The following LINGO2 variants were observed in gnomAD, a reference collection of about 807,000 sequenced individuals.
LINGO2 encodes leucine rich repeat and Ig domain containing 2.
A neutral mutation model predicts 30.6 loss-of-function variants in LINGO2; 14 were observed. The ratio of observed to expected loss-of-function variants is 0.46; its 90% CI spans 0.30 to 0.72. LINGO2 has a LOEUF of 0.72. Ranked by LOEUF, LINGO2 falls within the 30% of genes least tolerant of loss-of-function variation. The pLI is 0.07. For synonymous variants in LINGO2, 317 were observed against 288.5 expected (o/e 1.10, Z -1.00); for missense variants, 729 against 751.7 (o/e 0.97, Z 0.35).
chr9:28,154,297 G>A (rs1319349934), intron 4 of LINGO2, among the ~76,000 whole-genome samples: 1 of 152,120 alleles, frequency 6.6e-6, no homozygotes, highest in Non-Finnish European at 1.5e-5. Flanking sequence ...GAGACATTGG[G>A]TCATAATATT....
chr9:28,379,650 C>T (rs1034838175), intron 2 of LINGO2, among the ~76,000 whole-genome samples: 8 of 152,050 alleles, frequency 5.3e-5, no homozygotes, highest in African/African-American at 1.7e-4. Flanking sequence ...AACACGAATG[C>T]TATTGTATGC....
chr9:28,940,368 G>T, the LINGO2 span, among the ~76,000 whole-genome samples: 1 of 152,120 alleles, frequency 6.6e-6, no homozygotes, highest in Non-Finnish European at 1.5e-5. Flanking sequence ...TAATCAGGGT[G>T]ATCCTAGAAG....
the LINGO2 span, among the ~76,000 whole-genome samples, chr9:29,126,393 T>C: frequency 6.6e-6 from 1 of 152,128 alleles, no homozygotes; most frequent in Non-Finnish European, 1.5e-5. Flanking sequence ...AAAGCCTGTA[T>C]AGCAGTGTGT....
chr9:28,970,838 T>C, the LINGO2 span, among the ~76,000 whole-genome samples: 10 of 152,078 alleles, frequency 6.6e-5, no homozygotes, highest in Non-Finnish European at 1.3e-4. Context: ...GGAGTCCTAG[T>C]GATGAACTGG....
chr9:28,500,163 A>G (rs959339061), intron 1 of LINGO2, among the ~76,000 whole-genome samples: 6 of 152,132 alleles, frequency 3.9e-5, no homozygotes, highest in Non-Finnish European at 8.8e-5. Flanking sequence ...GGGTCTTCTG[A>G]CTTTGAAGAT....
chr9:28,286,373 C>T (rs1032787177), intron 4 of LINGO2, among the ~76,000 whole-genome samples: 7 of 152,146 alleles, frequency 4.6e-5, no homozygotes, highest in Non-Finnish European at 1.0e-4. Context: ...AGTTTAAATT[C>T]GTTCAGCCGT....
intron 4 of LINGO2, among the ~76,000 whole-genome samples, chr9:28,176,143 A>G (rs1828744392): frequency 6.6e-6 from 1 of 152,188 alleles, no homozygotes; most frequent in Non-Finnish European, 1.5e-5. Context: ...CCTACCTTGT[A>G]AGCTCTACTA....
chr9:28,027,089 A>T (rs1012211197), intron 4 of LINGO2, among the ~76,000 whole-genome samples: 1 of 152,204 alleles, frequency 6.6e-6, no homozygotes, highest in Admixed American at 6.5e-5. Context: ...TTGCATCATA[A>T]TACATTACTA....
intron 2 of LINGO2, among the ~76,000 whole-genome samples, chr9:28,439,717 C>T (rs958875432): frequency 6.6e-6 from 1 of 152,170 alleles, no homozygotes; most frequent in South Asian, 2.1e-4. Context: ...GGTTCCTGCA[C>T]AGCCTGCAGA....
chr9:29,189,294 ACGGGGTGGCTGCCGGG>A, the LINGO2 span, among the ~76,000 whole-genome samples: 1 of 148,522 alleles, frequency 6.7e-6, no homozygotes, highest in South Asian at 2.1e-4. Context: ...TCCCTCCCGG[ACGGGGTGGCTGCCGGG>A]CGGAGACGCT....
At chr9:28,904,108 C>A in the LINGO2 span, among the ~76,000 whole-genome samples, 1 of 150,700 alleles carries the variant, frequency 6.6e-6, no homozygotes, top group Non-Finnish European at 1.5e-5. Flanking sequence ...AGGATAAAAA[C>A]AATACAATCA....
intron 5 of LINGO2, among the ~76,000 whole-genome samples, chr9:27,997,010 A>C (rs770277402): frequency 4.6e-5 from 7 of 152,212 alleles, no homozygotes; most frequent in Admixed American, 2.0e-4. Context: ...AGGTTTCAAA[A>C]ATTCTCTTAT....
chr9:29,018,759 T>C, the LINGO2 span, among the ~76,000 whole-genome samples: 1 of 152,160 alleles, frequency 6.6e-6, no homozygotes, highest in Admixed American at 6.6e-5. Flanking sequence ...AACGAAGTGT[T>C]TGAGCTCTTA....
At chr9:28,593,958 A>G (rs1157892971) in intron 1 of LINGO2, among the ~76,000 whole-genome samples, 1 of 152,084 alleles carries the variant, frequency 6.6e-6, no homozygotes, top group African/African-American at 2.4e-5. Context: ...AATGTCAATT[A>G]GCATGGCTTC....
At chr9:28,857,608 A>C in the LINGO2 span, among the ~76,000 whole-genome samples, 1 of 152,090 alleles carries the variant, frequency 6.6e-6, no homozygotes. Context: ...ATAAGGATCT[A>C]AACTCACATA....
In LINGO2 at chr9:28,101,065, A is replaced by T. The variant is rs1024159804; in HGVS notation, c.-86-88660T>A. ...ACATTTTTTTTTTCAATTTTAGGGG[A>T]ATATGATGTTGAAATGATTTCTGTT... On this transcript the variant is annotated intron_variant, in intron 4 of 5. Transcript: ENST00000379992. Among the ~76,000 whole-genome samples the T allele has an allele frequency of 4.6e-5, 7 of 151,442 alleles. 1 individual carries two copies. Among genetic ancestry groups the T allele is most frequent in the Non-Finnish European group, 8.8e-5 (6 of 67,874 alleles).
At chr9:28,611,002 G>A (rs1404956936) in intron 1 of LINGO2, among the ~76,000 whole-genome samples, 2 of 152,012 alleles carry the variant, frequency 1.3e-5, no homozygotes, top group Non-Finnish European at 2.9e-5. Flanking sequence ...AATATTTGGG[G>A]AAAAATGTGC....
At chr9:28,769,506 ATATATATATATATTTTTTTTT>A in the LINGO2 span, among the ~76,000 whole-genome samples, 2 of 2,876 alleles carry the variant, frequency 7.0e-4, no homozygotes, top group African/African-American at 1.9e-3. Context: ...ATATATATAT[ATATATATATATATTTTTTTTT>A]TTTTTTTTTT....
chr9:28,405,187 G>T (rs1346756894), intron 2 of LINGO2, among the ~76,000 whole-genome samples: 1 of 152,168 alleles, frequency 6.6e-6, no homozygotes, highest in Non-Finnish European at 1.5e-5. Flanking sequence ...AACTTTCAAA[G>T]AACACTAATA....
Sources: allele counts gnomAD v4.1 joint callset (sites outside exome capture counted in the v4.1 genomes callset), GRCh38; gene constraint gnomAD v4.1.1; transcripts MANE v1.5; gene names NCBI Gene and HGNC (gene_info 2026-07-23, HGNC 2026-07-21).